The following NFKB1 variants were observed in gnomAD, a reference collection of about 807,000 sequenced individuals.
NFKB1 encodes the protein nuclear factor NF-kappa-B p105 subunit.
NFKB1 carries 9 observed loss-of-function variants against 105.1 expected under a neutral mutation model. That is an observed-to-expected ratio of 0.09 (90% CI 0.05 to 0.15). NFKB1 has a LOEUF of 0.15. Among genes scored for constraint, NFKB1 ranks in the 10% least tolerant of loss-of-function variants. The pLI, the probability that NFKB1 is intolerant of heterozygous loss-of-function variation, is 1.00. For synonymous variants in NFKB1, 440 were observed against 442.2 expected, an observed-to-expected ratio of 1.00 and a Z score of 0.06; for missense variants, 830 against 1,203.7, an observed-to-expected ratio of 0.69 and a Z score of 4.59.
At chr4:102,597,330 G>A (rs1041909937) in intron 14 of NFKB1, among the ~76,000 whole-genome samples, 190 bp from the exon 15 acceptor site, 2 of 152,064 alleles carry the variant, frequency 1.3e-5, no homozygotes, top group East Asian at 1.9e-4. Flanking sequence ...AACTATATTT[G>A]TCAGTGACCC....
At chr4:102,593,084 A>C (rs1726303007) in intron 11 of NFKB1, among the ~76,000 whole-genome samples, 1 of 152,210 alleles carries the variant, frequency 6.6e-6, no homozygotes, top group Non-Finnish European at 1.5e-5. Context: ...TTGTGTGACC[A>C]AGCAAAAGGG....
chr4:102,515,428 GGT>G (rs1316393921), intron 1 of NFKB1, among the ~76,000 whole-genome samples: 1 of 151,944 alleles, frequency 6.6e-6, no homozygotes, highest in Non-Finnish European at 1.5e-5. Flanking sequence ...TATTATTACT[GGT>G]ATGTTGGGTT....
At chr4:102,522,712 G>A (rs1740649177) in intron 1 of NFKB1, among the ~76,000 whole-genome samples, 2 of 152,240 alleles carry the variant, frequency 1.3e-5, no homozygotes, top group South Asian at 4.1e-4. Flanking sequence ...TGTTTTTGAG[G>A]ACCATAGGCT....
intron 11 of NFKB1, among the ~76,000 whole-genome samples, chr4:102,589,604 A>C (rs779576192): frequency 6.6e-6 from 1 of 152,158 alleles, no homozygotes; most frequent in South Asian, 2.1e-4. Flanking sequence ...ATCAGTAAAC[A>C]GAGACCTTCT....
chr4:102,611,565 A>G (rs1198597913), intron 20 of NFKB1, among the ~76,000 whole-genome samples: 1 of 152,350 alleles, frequency 6.6e-6, no homozygotes, highest in African/African-American at 2.4e-5. Context: ...AAATGTCAGT[A>G]TTGCCAGAGG....
intron 15 of NFKB1, 57 bp from the exon 16 acceptor site, chr4:102,600,838 A>G (rs1727085625): frequency 3.0e-6 from 3 of 1,007,598 alleles, no homozygotes; most frequent in Admixed American, 3.5e-5. Flanking sequence ...CATCTTGGGA[A>G]TCTTTTCTTT....
chr4:102,576,510 A>T (rs1048405075), intron 6 of NFKB1, among the ~76,000 whole-genome samples: 1 of 152,144 alleles, frequency 6.6e-6, no homozygotes, highest in Non-Finnish European at 1.5e-5. Flanking sequence ...CATTCTTCCA[A>T]GTTTATTGCA....
chr4:102,529,557 T>A (rs1741141447), intron 2 of NFKB1, among the ~76,000 whole-genome samples: 1 of 152,248 alleles, frequency 6.6e-6, no homozygotes, highest in Admixed American at 6.5e-5. Flanking sequence ...GTAAGCAAGC[T>A]AGACCAGGTC....
intron 2 of NFKB1, among the ~76,000 whole-genome samples, chr4:102,526,512 T>A (rs961967011): frequency 2.0e-5 from 3 of 152,188 alleles, no homozygotes; most frequent in Non-Finnish European, 2.9e-5. Context: ...CAAAAAAAAA[T>A]TTTATTTAAA....
chr4:102,557,709 G>C (rs1012749101), intron 5 of NFKB1, among the ~76,000 whole-genome samples: 9 of 152,210 alleles, frequency 5.9e-5, no homozygotes, highest in African/African-American at 2.2e-4. Flanking sequence ...CAGTACAAGA[G>C]AGAATGCCTA....
intron 1 of NFKB1, chr4:102,502,106 A>C (rs942098179): frequency 5.9e-5 from 9 of 152,316 alleles, no homozygotes; most frequent in Admixed American, 5.2e-4. Flanking sequence ...AAAATCCCCA[A>C]CCCCAGCCCC....
At chr4:102,520,502 A>G (rs1158025740) in intron 1 of NFKB1, among the ~76,000 whole-genome samples, 4 of 152,210 alleles carry the variant, frequency 2.6e-5, no homozygotes, top group African/African-American at 9.6e-5. Context: ...CTCCAAGCAC[A>G]ATGTATTTGG....
chr4:102,599,260 T>C (rs1726924272), intron 15 of NFKB1, among the ~76,000 whole-genome samples: 1 of 152,148 alleles, frequency 6.6e-6, no homozygotes, highest in Non-Finnish European at 1.5e-5. Flanking sequence ...TAGGCCCTTT[T>C]CAGAAGTCTT....
At chr4:102,600,532 G>A (rs1727053193) in intron 15 of NFKB1, among the ~76,000 whole-genome samples, 1 of 152,174 alleles carries the variant, frequency 6.6e-6, no homozygotes. Flanking sequence ...CAGGGGGAAA[G>A]GTAGAGAAGA....
intron 5 of NFKB1, 152 bp from the exon 6 acceptor site, chr4:102,566,835 C>A: frequency 1.4e-6 from 1 of 719,420 alleles, no homozygotes; most frequent in Non-Finnish European, 2.2e-6. Flanking sequence ...ATTTGTTCAT[C>A]ACATACTTTT....
At chr4:102,508,791 G>A (rs1252776158) in intron 1 of NFKB1, among the ~76,000 whole-genome samples, 1 of 152,138 alleles carries the variant, frequency 6.6e-6, no homozygotes, top group Admixed American at 6.6e-5. Context: ...GATTTAGGGG[G>A]AAGAGTCCTC....
At position 102,594,885 on chromosome 4, in the gene NFKB1, G is replaced by A. The variant is rs749750576; in HGVS notation, c.1211-7G>A. 55 of 1,600,558 alleles carry A rather than the reference G, an allele frequency of 3.4e-5. No homozygotes were observed. Among genetic ancestry groups the A allele is most frequent in the Middle Eastern group, 1.7e-4 (1 of 6,048 alleles). The stretch of plus-strand genomic sequence containing the variant: ...TGATGTTTCATTTGTTTTACTTGCC[G>A]TTTCAGGGTATAGCTTCCCACACTA... On this transcript the variant is annotated splice_region_variant and splice_polypyrimidine_tract_variant and intron_variant, in intron 12 of 23. Coordinates refer to ENST00000226574, the MANE Select transcript of NFKB1 (RefSeq NM_003998.4).
chr4:102,513,635 T>C (rs1437783221), intron 1 of NFKB1, among the ~76,000 whole-genome samples: 1 of 152,158 alleles, frequency 6.6e-6, no homozygotes, highest in African/African-American at 2.4e-5. Flanking sequence ...GGGGTGAGGT[T>C]ATGTATTCTA....
Position 102,607,233 on chromosome 4 carries a change from G to A in NFKB1, c.2038G>A (p.Ala680Thr). ...GGTGGCCGCTGGGGCTGACGTCAAT[G>A]CTCAGGAGCAGAAGTCCGGGCGCAC... ...LLVAAGADVN[A>T]QEQKSGRTAL... Residue 680 changes from alanine (A) to threonine (T), a missense_variant, in exon 18 of 24, where the codon GCT becomes ACT. Physicochemically the swap from Ala to Thr is moderately conservative, Grantham distance 58. This residue lies in a region of NFKB1 where 418 missense variants were observed against 575.3 expected (regional missense o/e 0.73). Transcript: ENST00000226574. 2 of 1,614,208 alleles carry A rather than the reference G, an allele frequency of 1.2e-6. No individual in the cohort carries two copies. The highest frequency in any genetic ancestry group is 1.3e-5 in the African/African-American group (1 of 75,042).
Sources: gnomAD v4.1 joint callset for allele counts (sites outside exome capture counted in the v4.1 genomes callset) on GRCh38, gnomAD v4.1.1 for gene constraint, gnomAD v4.1.1 regional missense constraint, MANE v1.5 for transcripts, NCBI Gene and HGNC (gene_info 2026-07-23, HGNC 2026-07-21) for gene names.